The following MCC variants were observed in gnomAD, a reference collection of about 807,000 sequenced individuals.
The protein encoded by MCC is MCC regulator of Wnt signaling pathway.
In MCC, 90 loss-of-function variants were observed where a neutral mutation model predicts 116.2. The ratio of observed to expected loss-of-function variants is 0.77; its 90% confidence interval spans 0.65 to 0.92. MCC has a LOEUF of 0.92. Among genes scored for constraint, MCC ranks in the 40% least tolerant of loss-of-function variants. The pLI, the probability that MCC is intolerant of heterozygous loss-of-function variation, is 0.00. For missense variants in MCC, 1,516 were observed against 1,312.2 expected, an observed-to-expected ratio of 1.16 and a Z score of -2.40; for synonymous variants, 578 against 510.5, an observed-to-expected ratio of 1.13 and a Z score of -1.78.
At chr5:113,301,207 T>G (rs1195208492) in intron 3 of MCC, among the ~76,000 whole-genome samples, 1 of 152,228 alleles carries the variant, frequency 6.6e-6, no homozygotes, top group Non-Finnish European at 1.5e-5. Context: ...GGCTCACGCC[T>G]GTAATCCCAG....
intron 1 of MCC, among the ~76,000 whole-genome samples, chr5:113,397,431 C>T (rs1333190681): frequency 3.3e-5 from 5 of 151,304 alleles, no homozygotes; most frequent in Non-Finnish European, 5.9e-5. Context: ...GTTGTGGTTA[C>T]CAACTTGAAA....
chr5:113,382,998 G>A (rs911138532), intron 2 of MCC, among the ~76,000 whole-genome samples: 6 of 152,148 alleles, frequency 3.9e-5, no homozygotes, highest in Admixed American at 3.3e-4. Flanking sequence ...TTATATAAAA[G>A]GATGAAAGGG....
intron 8 of MCC, 65 bp from the exon 9 acceptor site, chr5:113,085,375 T>G: frequency 6.7e-7 from 1 of 1,498,700 alleles, no homozygotes; most frequent in Non-Finnish European, 9.1e-7. Flanking sequence ...AACAGCCAGA[T>G]GGGTAGGTGG....
intron 3 of MCC, among the ~76,000 whole-genome samples, chr5:113,282,126 T>G (rs1766068644): frequency 6.6e-6 from 1 of 152,162 alleles, no homozygotes; most frequent in South Asian, 2.1e-4. Flanking sequence ...GGGCTATGAT[T>G]TCAGAGTCTA....
chr5:113,176,785 C>T (rs746799404), intron 3 of MCC, among the ~76,000 whole-genome samples: 5 of 152,118 alleles, frequency 3.3e-5, no homozygotes, highest in Non-Finnish European at 5.9e-5. Context: ...CCTCCACGTC[C>T]CTCTTATCGA....
At chr5:113,382,652 T>G (rs956109871) in intron 2 of MCC, among the ~76,000 whole-genome samples, 26 of 152,150 alleles carry the variant, frequency 1.7e-4, no homozygotes, top group African/African-American at 5.3e-4. Flanking sequence ...GTAATAATAA[T>G]AAGAATATTA....
chr5:113,071,769 G>A (rs1044145797), intron 11 of MCC, among the ~76,000 whole-genome samples: 6 of 152,294 alleles, frequency 3.9e-5, no homozygotes, highest in South Asian at 2.1e-4. Context: ...GATTTGAACC[G>A]GGAAGTGTGA....
chr5:113,206,311 C>T (rs976002508), intron 3 of MCC, among the ~76,000 whole-genome samples: 14 of 152,184 alleles, frequency 9.2e-5, no homozygotes, highest in African/African-American at 3.1e-4. Context: ...CACCCATTTG[C>T]TCATATGTGT....
intron 3 of MCC, among the ~76,000 whole-genome samples, chr5:113,273,131 A>C (rs955714201): frequency 3.9e-5 from 6 of 152,268 alleles, no homozygotes; most frequent in Non-Finnish European, 8.8e-5. Context: ...ATCTGTATTT[A>C]TCAGAACAGT....
At chr5:113,317,660 A>T (rs777331233) in intron 3 of MCC, among the ~76,000 whole-genome samples, 4 of 152,212 alleles carry the variant, frequency 2.6e-5, no homozygotes, top group Non-Finnish European at 2.9e-5. Context: ...TCTGGAGCAA[A>T]ATGTTTTCCA....
At chr5:113,104,442 G>T in intron 6 of MCC, 87 bp from the exon 7 acceptor site, 2 of 1,200,752 alleles carry the variant, frequency 1.7e-6, no homozygotes, top group Non-Finnish European at 2.3e-6. Flanking sequence ...TCAGGTAATG[G>T]GATGGCAATG....
At chr5:113,412,224 CT>C (rs1561557764) in intron 1 of MCC, among the ~76,000 whole-genome samples, 1 of 152,102 alleles carries the variant, frequency 6.6e-6, no homozygotes, top group East Asian at 1.9e-4. Flanking sequence ...TAGCTTTGTT[CT>C]TTTTGCTTAG....
intron 3 of MCC, among the ~76,000 whole-genome samples, chr5:113,224,991 G>T (rs138519899): frequency 3.9e-5 from 6 of 152,254 alleles, no homozygotes; most frequent in African/African-American, 1.2e-4. Flanking sequence ...GTTCCTAGTT[G>T]ATCTTATACT....
intron 3 of MCC, chr5:113,204,418 T>C (rs1300974474): frequency 1.3e-5 from 2 of 152,224 alleles, no homozygotes; most frequent in African/African-American, 4.8e-5. Context: ...CCGAAATGCA[T>C]TAAAATTCTA....
chr5:113,453,961 T>A (rs936286398), intron 1 of MCC, among the ~76,000 whole-genome samples: 1 of 151,958 alleles, frequency 6.6e-6, no homozygotes, highest in African/African-American at 2.4e-5. Context: ...AAATACAAAA[T>A]TAGCCGGGTG....
intron 1 of MCC, among the ~76,000 whole-genome samples, chr5:113,473,063 C>A (rs148947152): frequency 7.9e-4 from 120 of 152,276 alleles, no homozygotes; most frequent in African/African-American, 2.6e-3. Flanking sequence ...TACCATAATA[C>A]AAGTTAGTAT....
At chr5:113,142,571 T>A (rs1759241494) in intron 5 of MCC, among the ~76,000 whole-genome samples, 1 of 148,056 alleles carries the variant, frequency 6.8e-6, no homozygotes, top group South Asian at 2.1e-4. Context: ...CCCACCTCTA[T>A]CCTCTCCTAA....
intron 12 of MCC, among the ~76,000 whole-genome samples, chr5:113,070,015 T>C (rs1050369800): frequency 2.6e-5 from 4 of 152,206 alleles, no homozygotes; most frequent in Admixed American, 2.6e-4. Context: ...CATTTCCTTA[T>C]CCATGAGGTT....
intron 4 of MCC, among the ~76,000 whole-genome samples, chr5:113,146,912 A>G (rs996834607): frequency 5.9e-5 from 9 of 152,222 alleles, no homozygotes; most frequent in Non-Finnish European, 1.2e-4. Context: ...ACAAAGCCAG[A>G]AAGCCTGTGG....
Sources: allele counts gnomAD v4.1 joint callset (sites outside exome capture counted in the v4.1 genomes callset), GRCh38; gene constraint gnomAD v4.1.1; transcripts MANE v1.5; gene names NCBI Gene and HGNC (gene_info 2026-07-23, HGNC 2026-07-21).